TMOD1: variants seen among roughly 807,000 people sequenced by gnomAD.
TMOD1 encodes tropomodulin-1.
A neutral mutation model predicts 40.6 loss-of-function variants in TMOD1; 17 were observed. That is an observed-to-expected ratio of 0.42 (90% CI 0.29 to 0.63). TMOD1 has a LOEUF of 0.63. TMOD1 is among the 20% of genes least tolerant of loss of function. The pLI is 0.22. For synonymous variants in TMOD1, 181 were observed against 175.0 expected (o/e 1.03, Z -0.27); for missense variants, 391 against 447.6 (o/e 0.87, Z 1.14).
intron 8 of TMOD1, among the ~76,000 whole-genome samples, chr9:97,590,011 A>G (rs938130720): frequency 2.0e-5 from 3 of 152,188 alleles, no homozygotes; most frequent in African/African-American, 7.2e-5. Flanking sequence ...TATATGGAAA[A>G]TATAGACAAC....
At chr9:97,504,014 C>T (rs1829547239) in intron 1 of TMOD1, among the ~76,000 whole-genome samples, 1 of 152,060 alleles carries the variant, frequency 6.6e-6, no homozygotes, top group Non-Finnish European at 1.5e-5. Context: ...TGTGGAGAGA[C>T]AGGAGTAGGG....
At chr9:97,564,934 G>A (rs1371112197) in intron 6 of TMOD1, among the ~76,000 whole-genome samples, 1 of 152,142 alleles carries the variant, frequency 6.6e-6, no homozygotes, top group East Asian at 1.9e-4. Flanking sequence ...TTTATTTTAA[G>A]CAGCTGCCAG....
chr9:97,503,867 G>C (rs1203670273), intron 1 of TMOD1, among the ~76,000 whole-genome samples: 3 of 152,204 alleles, frequency 2.0e-5, no homozygotes, highest in Non-Finnish European at 4.4e-5. Context: ...TAGTGGACCT[G>C]GAGTGGAGAG....
At chr9:97,563,989 G>A (rs1830682441) in intron 5 of TMOD1, 49 bp from the exon 6 acceptor site, 1 of 1,577,764 alleles carries the variant, frequency 6.3e-7, no homozygotes, top group African/African-American at 1.4e-5. Context: ...TTGGCAGAAA[G>A]TGAGCCCCTT....
rs1258283079 is a variant in TMOD1 at position 97,559,795 on chromosome 9, AT to A, written c.398-2936del. 5.6e-3 allele frequency among the ~76,000 whole-genome samples: 62 copies of A among 11,076 alleles called. 1 individual carries two copies. In the South Asian group the frequency reaches 0.062, roughly 11 times the overall value. 7.3% of individuals were successfully genotyped at this position (11,076 alleles called of 152,430 possible). A position where few individuals can be genotyped will look rare whatever the true frequency, so the allele number is the denominator to read the frequency against. On this transcript the variant is annotated intron_variant, in intron 4 of 9. Coordinates refer to ENST00000259365, the MANE Select transcript of TMOD1 (RefSeq NM_003275.4). ...TTTAAAAAAAAAAAAAAAAAAAAAA[AT>A]ATATATATATATATATATATATATA...
At chr9:97,555,429 G>T (rs1290440566) in intron 4 of TMOD1, 34 of 1,397,596 alleles carry the variant, frequency 2.4e-5, no homozygotes, top group Non-Finnish European at 3.1e-5. Flanking sequence ...GGCGCCTGCG[G>T]TTCCTGTGCC....
chr9:97,536,627 G>A (rs575059051), intron 2 of TMOD1, among the ~76,000 whole-genome samples: 8 of 152,230 alleles, frequency 5.3e-5, no homozygotes, highest in South Asian at 4.2e-4. Context: ...CCCAGAGGAC[G>A]GCAGTCAGGT....
At chr9:97,531,981 T>C (rs1830109350) in intron 2 of TMOD1, among the ~76,000 whole-genome samples, 1 of 152,122 alleles carries the variant, frequency 6.6e-6, no homozygotes, top group Non-Finnish European at 1.5e-5. Context: ...TCACTCCACA[T>C]GGCTTCCCAT....
At chr9:97,595,661 A>C (rs1227768666) in intron 9 of TMOD1, among the ~76,000 whole-genome samples, 1 of 150,380 alleles carries the variant, frequency 6.6e-6, no homozygotes. Context: ...ATTGTGAATG[A>C]TGCTGCAATG....
chr9:97,539,668 T>TTAAA lies in TMOD1; in HGVS notation c.121-6516_121-6513dup, dbSNP rs1263223927. ...ATTCACATAGCATACAATCATCCAC[T>TTAAA]TAAAGTGCACCATTCAGCCCGGGTG... On this transcript the variant is annotated intron_variant, in intron 2 of 9. Coordinates refer to ENST00000259365, the MANE Select transcript of TMOD1 (RefSeq NM_003275.4). Among the ~76,000 whole-genome samples, 4 of 152,298 alleles carry TTAAA rather than the reference T, an allele frequency of 2.6e-5. No individual in the cohort carries two copies. In the East Asian group the frequency reaches 7.7e-4, roughly 29 times the overall value.
At chr9:97,542,995 G>A (rs1294638098) in intron 2 of TMOD1, among the ~76,000 whole-genome samples, 1 of 152,168 alleles carries the variant, frequency 6.6e-6, no homozygotes, top group East Asian at 1.9e-4. Flanking sequence ...TGGGTAGAGT[G>A]GCCTCCACAA....
Position 97,600,443 on chromosome 9 carries a change from G to C in TMOD1, c.*745G>C, listed in dbSNP as rs1185618089. On this transcript the variant is annotated 3_prime_UTR_variant, in exon 10 of 10. Transcript: ENST00000259365. ...GGGATTTATGTACAATTTAATACTG[G>C]AGTTAGAACTTTTTCCTTATTGAAT... The C allele has an allele frequency of 1.0e-6, 1 of 985,498 alleles. No homozygotes were observed. Among genetic ancestry groups the C allele is most frequent in the African/African-American group, 1.7e-5 (1 of 57,234 alleles). 61.0% of individuals were successfully genotyped at this position (985,498 alleles called of 1,614,324 possible). A position where few individuals can be genotyped will look rare whatever the true frequency, so the allele number is the denominator to read the frequency against.
chr9:97,595,697 C>G (rs1355997812), intron 9 of TMOD1, among the ~76,000 whole-genome samples: 1 of 152,102 alleles, frequency 6.6e-6, no homozygotes, highest in Admixed American at 6.5e-5. Flanking sequence ...ATCTTTTCAA[C>G]TGATTTTAAT....
intron 2 of TMOD1, 28 bp downstream of exon 2, chr9:97,524,336 T>G (rs373570017): frequency 4.5e-5 from 73 of 1,609,474 alleles, no homozygotes; most frequent in Non-Finnish European, 5.9e-5. Context: ...GGAAGCACAT[T>G]GTCACTAGCG....
intron 4 of TMOD1, among the ~76,000 whole-genome samples, chr9:97,561,527 A>C (rs1830640417): frequency 6.6e-6 from 1 of 152,238 alleles, no homozygotes; most frequent in Non-Finnish European, 1.5e-5. Context: ...GTGTGCAGCC[A>C]AATTGGGAAT....
At chr9:97,569,060 C>T (rs1225247497) in intron 8 of TMOD1, 23 bp downstream of exon 8, 1 of 1,612,772 alleles carries the variant, frequency 6.2e-7, no homozygotes, top group African/African-American at 1.3e-5. Flanking sequence ...ACGGTCTCCT[C>T]AGGTCTGTTA....
intron 2 of TMOD1, among the ~76,000 whole-genome samples, chr9:97,536,288 G>A (rs1285988577): frequency 1.3e-5 from 2 of 152,274 alleles, no homozygotes; most frequent in South Asian, 2.1e-4. Context: ...CCTTGTAAAA[G>A]GCAACTAGGG....
rs972879874 is a variant in TMOD1 at position 97,601,503 on chromosome 9, G to A, written c.*1805G>A. 4 of 989,496 alleles carry A rather than the reference G, an allele frequency of 4.0e-6. No individual in the cohort carries two copies. The highest frequency in any genetic ancestry group is 4.8e-6 in the Non-Finnish European group (4 of 832,398). The allele number at this position is 989,496 out of a possible 1,614,324, so 61.3% of individuals were successfully genotyped here. A position where few individuals can be genotyped will look rare whatever the true frequency, so the allele number is the denominator to read the frequency against. ...GAGCTATCAGAGGAAATCTCTCATAGAAACGAAACCAAACCAACAGAAAAT... is the reference window on the plus strand; with the variant it reads ...GAGCTATCAGAGGAAATCTCTCATAAAAACGAAACCAAACCAACAGAAAAT... On this transcript the variant is annotated 3_prime_UTR_variant, in exon 10 of 10. Transcript: ENST00000259365.
At chr9:97,521,047 C>T (rs917534103) in intron 1 of TMOD1, among the ~76,000 whole-genome samples, 20 of 152,186 alleles carry the variant, frequency 1.3e-4, no homozygotes, top group Non-Finnish European at 2.6e-4. Flanking sequence ...ATGAGACACT[C>T]CCAGGGTTCC....
Sources: allele counts gnomAD v4.1 joint callset (sites outside exome capture counted in the v4.1 genomes callset), GRCh38; gene constraint gnomAD v4.1.1; transcripts MANE v1.5; gene names NCBI Gene and HGNC (gene_info 2026-07-23, HGNC 2026-07-21).